SH3GLB1: variants seen among roughly 807,000 people sequenced by gnomAD.
SH3GLB1 encodes SH3 domain containing GRB2 like, endophilin B1, also known as endophilin-B1.
A neutral mutation model predicts 42.0 loss-of-function variants in SH3GLB1; 17 were observed. The observed-to-expected ratio is 0.40, with a 90% CI of 0.28 to 0.61. The LOEUF (loss-of-function observed/expected upper bound fraction) is 0.61, where lower values mean the gene tolerates loss of function less well. Ranked by LOEUF, SH3GLB1 falls within the 20% of genes least tolerant of loss-of-function variation. SH3GLB1 has a pLI of 0.36. For missense variants in SH3GLB1, 355 were observed against 426.3 expected, an observed-to-expected ratio of 0.83 and a Z score of 1.47; for synonymous variants, 132 against 146.6, an observed-to-expected ratio of 0.90 and a Z score of 0.72.
At position 86,722,081 on chromosome 1, in the gene SH3GLB1, G is replaced by A. The variant is rs141094384; in HGVS notation, c.344-459G>A. 4.3e-3 allele frequency among the ~76,000 whole-genome samples: 636 copies of A among 146,500 alleles called. 6 individuals carry two copies. Among genetic ancestry groups the A allele is most frequent in the Admixed American group, 0.012 (173 of 14,430 alleles). On this transcript the variant is annotated intron_variant, in intron 3 of 8. Coordinates refer to ENST00000370558, the MANE Select transcript of SH3GLB1 (RefSeq NM_016009.5). ...TGCCCAGGCTGGCCTTAAACTCCTG[G>A]GCTCAAACGATCCTCCTCCCTCAGC...
At chr1:86,737,565 T>G (rs1655838345) in intron 7 of SH3GLB1, among the ~76,000 whole-genome samples, 1 of 152,206 alleles carries the variant, frequency 6.6e-6, no homozygotes, top group Non-Finnish European at 1.5e-5. Flanking sequence ...AAGCTATATT[T>G]AAAACTATTT....
At position 86,742,230 on chromosome 1, in the gene SH3GLB1, A is replaced by C. The variant is rs1298069442; in HGVS notation, c.784A>C (p.Asn262His). ...LGSFPSNYLS[N>H]NNQTSVTPVP... ...CAGTTTTCCATCCAATTATCTTAGTAACAACAATCAGACTTCTGTGACACC... is the reference window on the plus strand; with the variant it reads ...CAGTTTTCCATCCAATTATCTTAGTCACAACAATCAGACTTCTGTGACACC... The change falls in exon 8 of 9, where the codon AAC becomes CAC. Residue 262 changes from asparagine (N) to histidine (H), a missense_variant. Asn to His is a moderately conservative substitution (Grantham distance 68). Coordinates refer to ENST00000370558, the MANE Select transcript of SH3GLB1 (RefSeq NM_016009.5). 6 of 1,614,050 alleles carry C rather than the reference A, an allele frequency of 3.7e-6. No homozygotes were observed. In the African/African-American group the frequency reaches 8.0e-5, roughly 22 times the overall value.
chr1:86,705,105 G>C (rs542088182), intron 1 of SH3GLB1, 134 bp downstream of exon 1: 25 of 562,214 alleles, frequency 4.4e-5, no homozygotes, highest in Non-Finnish European at 6.6e-5. Context: ...CTGGGAGATG[G>C]GCGCGGCCTG....
rs1399117411 is a variant in SH3GLB1, at chr1:86,735,188, T to A, written c.761+9T>A. On this transcript the variant is annotated intron_variant, in intron 7 of 8. Transcript: ENST00000370558. ...CAGAAACAACTGGGAAGGTGATAAT[T>A]TACTTTTCACATGTAAAGAGGAGAA... 4 of 1,585,002 alleles carry A rather than the reference T, an allele frequency of 2.5e-6. No individual in the cohort carries two copies. In the East Asian group the frequency reaches 6.7e-5, roughly 27 times the overall value.
chr1:86,723,119 A>G (rs558332395), intron 4 of SH3GLB1, among the ~76,000 whole-genome samples: 5 of 152,338 alleles, frequency 3.3e-5, no homozygotes, highest in Non-Finnish European at 4.4e-5. Flanking sequence ...CTATTACAAT[A>G]TATTATAGAA....
At chr1:86,725,389 TATA>T (rs1655141832) in intron 5 of SH3GLB1, among the ~76,000 whole-genome samples, 1 of 152,130 alleles carries the variant, frequency 6.6e-6, no homozygotes, top group Non-Finnish European at 1.5e-5. Flanking sequence ...ATTGAGTAGG[TATA>T]TATTAAATAT....
chr1:86,705,660 A>G (rs1392194028), intron 1 of SH3GLB1, among the ~76,000 whole-genome samples: 5 of 152,206 alleles, frequency 3.3e-5, no homozygotes, highest in Non-Finnish European at 7.3e-5. Flanking sequence ...TCACAGTAGT[A>G]TGTTTTAAAT....
intron 5 of SH3GLB1, among the ~76,000 whole-genome samples, chr1:86,733,876 C>CT (rs555074435): frequency 4.0e-5 from 6 of 148,748 alleles, no homozygotes; most frequent in East Asian, 3.9e-4. Context: ...GATATGAGAG[C>CT]TTTTTTTTTT....
chr1:86,738,073 G>T (rs1411441884), intron 7 of SH3GLB1, among the ~76,000 whole-genome samples: 2 of 152,144 alleles, frequency 1.3e-5, no homozygotes, highest in African/African-American at 4.8e-5. Context: ...AATCATTCTG[G>T]CTGCCACGTT....
At chr1:86,711,303 T>C (rs1337713391) in intron 1 of SH3GLB1, among the ~76,000 whole-genome samples, 1 of 152,034 alleles carries the variant, frequency 6.6e-6, no homozygotes, top group Admixed American at 6.5e-5. Context: ...ATGCCTATCC[T>C]GTAGTAAAAG....
intron 1 of SH3GLB1, among the ~76,000 whole-genome samples, chr1:86,705,622 A>T (rs989525650): frequency 1.3e-5 from 2 of 152,122 alleles, no homozygotes; most frequent in Non-Finnish European, 2.9e-5. Context: ...GATCAAGGAG[A>T]GATGCGGGGA....
chr1:86,724,156 G>C (rs1204630904), intron 4 of SH3GLB1, among the ~76,000 whole-genome samples, 157 bp from the exon 5 acceptor site: 5 of 143,578 alleles, frequency 3.5e-5, no homozygotes, highest in African/African-American at 1.3e-4. Flanking sequence ...GGTGGGGGGG[G>C]GCAGATACAT....
At chr1:86,716,660 CT>C (rs1333817230) in intron 2 of SH3GLB1, among the ~76,000 whole-genome samples, 5 of 152,184 alleles carry the variant, frequency 3.3e-5, no homozygotes, top group African/African-American at 1.2e-4. Context: ...GATAAGTCAA[CT>C]CAATAATCTT....
intron 7 of SH3GLB1, among the ~76,000 whole-genome samples, chr1:86,740,004 G>A (rs1310515951): frequency 6.6e-6 from 1 of 152,072 alleles, no homozygotes; most frequent in Non-Finnish European, 1.5e-5. Flanking sequence ...AAATTAACTG[G>A]GTGTGGAGGT....
chr1:86,735,048 G>A, intron 6 of SH3GLB1, 31 bp from the exon 7 acceptor site: 1 of 1,547,404 alleles, frequency 6.5e-7, no homozygotes, highest in Non-Finnish European at 8.9e-7. Flanking sequence ...TGACTATACA[G>A]CTAAGAACTA....
chr1:86,727,462 T>C (rs1655258888), intron 5 of SH3GLB1, among the ~76,000 whole-genome samples: 1 of 152,010 alleles, frequency 6.6e-6, no homozygotes, highest in African/African-American at 2.4e-5. Flanking sequence ...TCTGAAATGC[T>C]TTAAAATATG....
intron 1 of SH3GLB1, among the ~76,000 whole-genome samples, chr1:86,711,298 T>C (rs1309178851): frequency 6.6e-6 from 1 of 152,078 alleles, no homozygotes; most frequent in African/African-American, 2.4e-5. Context: ...GTTATATGCC[T>C]ATCCTGTAGT....
Position 86,722,554 on chromosome 1 carries a change from A to C in SH3GLB1, c.358A>C (p.Lys120Gln). Residue 120 changes from lysine to glutamine, a missense_variant, in exon 4 of 9, where the codon AAA becomes CAA. Physicochemically the swap from Lys to Gln is moderately conservative, Grantham distance 53. Coordinates refer to ENST00000370558, the MANE Select transcript of SH3GLB1 (RefSeq NM_016009.5). ...TTCCTTTGCAGGTAATGCCCTTATT[A>C]AATGTGGAGAAACCCAAAAAAGAAT... ...PGTAYGNALI[K>Q]CGETQKRIGT... 1 of 1,592,694 alleles carries C rather than the reference A, an allele frequency of 6.3e-7. No individual in the cohort carries two copies. Among genetic ancestry groups the C allele is most frequent in the Non-Finnish European group, 8.5e-7 (1 of 1,172,324 alleles).
At chr1:86,707,193 A>G (rs941825738) in intron 1 of SH3GLB1, among the ~76,000 whole-genome samples, 3 of 152,232 alleles carry the variant, frequency 2.0e-5, no homozygotes, top group African/African-American at 7.2e-5. Context: ...AGTATTTTCT[A>G]ACATTAGTAT....
Sources: gnomAD v4.1 joint callset for allele counts (sites outside exome capture counted in the v4.1 genomes callset) on GRCh38, gnomAD v4.1.1 for gene constraint, MANE v1.5 for transcripts, NCBI Gene and HGNC (gene_info 2026-07-23, HGNC 2026-07-21) for gene names.